CHRM3: variants seen among roughly 807,000 people sequenced by gnomAD.
CHRM3 encodes the protein muscarinic acetylcholine receptor M3.
A neutral mutation model predicts 41.8 loss-of-function variants in CHRM3; 11 were observed. The observed-to-expected ratio is 0.26, with a 90% CI of 0.17 to 0.44. The LOEUF (loss-of-function observed/expected upper bound fraction) is 0.44, where lower values mean the gene tolerates loss of function less well. Ranked by LOEUF, CHRM3 falls within the 20% of genes least tolerant of loss-of-function variation. CHRM3 has a pLI of 1.00. For missense variants in CHRM3, 571 were observed against 745.4 expected (o/e 0.77, Z 2.72); for synonymous variants, 297 against 301.4 (o/e 0.99, Z 0.15).
At chr1:239,751,573 T>G (rs1263318849) in intron 5 of CHRM3, among the ~76,000 whole-genome samples, 1 of 152,190 alleles carries the variant, frequency 6.6e-6, no homozygotes, top group Non-Finnish European at 1.5e-5. Flanking sequence ...TTAAGATGCT[T>G]TTACTTATGA....
In CHRM3 at chr1:239,485,732, G is replaced by A. The variant is rs140270180; in HGVS notation, c.-520-6977G>A. The stretch of plus-strand genomic sequence containing the variant: ...TCTCTAGCTCTGTATTTGCCACTGC[G>A]TGATGTAAATTTTCAGTGAGCCCTT... On this transcript the variant is annotated intron_variant, in intron 1 of 6. Coordinates refer to ENST00000676153, the MANE Select transcript of CHRM3 (RefSeq NM_001375978.1). Among the ~76,000 whole-genome samples, 684 of 152,194 alleles carry A rather than the reference G, an allele frequency of 4.5e-3. 1 individual carries two copies. The highest frequency in any genetic ancestry group is 7.0e-3 in the Non-Finnish European group (475 of 68,012).
chr1:239,910,691 T>C lies in CHRM3; in HGVS notation c.*1467T>C, dbSNP rs1680314570. 1 of 164,352 alleles carries C rather than the reference T, an allele frequency of 6.1e-6. No homozygotes were observed. The highest frequency in any genetic ancestry group is 6.6e-5 in the Admixed American group (1 of 15,064). 10.2% of individuals were successfully genotyped at this position (164,352 alleles called of 1,614,324 possible). On this transcript the variant is annotated 3_prime_UTR_variant, in exon 7 of 7. Coordinates refer to ENST00000676153, the MANE Select transcript of CHRM3 (RefSeq NM_001375978.1). ...CTGCCATCATTGTCGTTGTTGTTGC[T>C]GCTGTAGCTGTTGGGGTTTCTTTTC...
chr1:239,905,888 C>T (rs1472463845), intron 6 of CHRM3, among the ~76,000 whole-genome samples: 2 of 152,120 alleles, frequency 1.3e-5, no homozygotes, highest in Admixed American at 6.5e-5. Context: ...ATCACAGATA[C>T]TCATATAGCA....
intron 1 of CHRM3, among the ~76,000 whole-genome samples, chr1:239,453,473 T>G (rs1664707885): frequency 6.6e-6 from 1 of 152,218 alleles, no homozygotes; most frequent in Non-Finnish European, 1.5e-5. Flanking sequence ...AAAACATCTA[T>G]GCTGTCATTT....
intron 4 of CHRM3, among the ~76,000 whole-genome samples, chr1:239,665,236 T>C (rs1200395772): frequency 2.0e-5 from 3 of 151,970 alleles, no homozygotes; most frequent in South Asian, 2.1e-4. Context: ...CAAAAAGACG[T>C]TGAGCGCCTG....
At chr1:239,496,729 T>G (rs1460524280) in intron 2 of CHRM3, among the ~76,000 whole-genome samples, 1 of 152,108 alleles carries the variant, frequency 6.6e-6, no homozygotes. Flanking sequence ...GTATACAGTC[T>G]GAAGGTTTTT....
intron 1 of CHRM3, among the ~76,000 whole-genome samples, chr1:239,472,951 C>A (rs1047271784): frequency 1.3e-5 from 2 of 151,590 alleles, no homozygotes; most frequent in Non-Finnish European, 2.9e-5. Flanking sequence ...TACAGTAAAC[C>A]AATGAAATAA....
chr1:239,491,729 G>T (rs560915810), intron 1 of CHRM3, among the ~76,000 whole-genome samples: 1 of 152,242 alleles, frequency 6.6e-6, no homozygotes, highest in South Asian at 2.1e-4. Context: ...TCATATGGTA[G>T]TTCTATTTTT....
intron 5 of CHRM3, among the ~76,000 whole-genome samples, chr1:239,797,280 A>T (rs530427735): frequency 9.8e-5 from 15 of 152,314 alleles, no homozygotes; most frequent in Non-Finnish European, 2.1e-4. Flanking sequence ...TGAGTTCCAT[A>T]GAAGCCCAAA....
chr1:239,642,788 G>A (rs1671323217), intron 4 of CHRM3, among the ~76,000 whole-genome samples: 1 of 152,178 alleles, frequency 6.6e-6, no homozygotes, highest in African/African-American at 2.4e-5. Flanking sequence ...TCTCCATCCA[G>A]CTTTGTTCCA....
chr1:239,522,050 A>G (rs1163967105), intron 2 of CHRM3, among the ~76,000 whole-genome samples: 2 of 140,508 alleles, frequency 1.4e-5, no homozygotes, highest in African/African-American at 5.2e-5. Flanking sequence ...CTTTTTTGCC[A>G]TAGTGCTCTT....
In CHRM3 at chr1:239,747,663, C is replaced by T. The variant is rs578003448; in HGVS notation, c.-147+69375C>T. 5.9e-5 allele frequency among the ~76,000 whole-genome samples: 9 copies of T among 152,284 alleles called. No homozygotes were observed. In the East Asian group the frequency reaches 1.5e-3, roughly 26 times the overall value. On this transcript the variant is annotated intron_variant, in intron 5 of 6. Transcript: ENST00000676153. ...TTGCTTTGAGAATGTGTGGCTTGCT[C>T]TGCATTTTGAAAGTATTAGTAACAT...
intron 2 of CHRM3, among the ~76,000 whole-genome samples, chr1:239,507,967 C>T (rs754817736): frequency 9.9e-5 from 15 of 152,148 alleles, no homozygotes; most frequent in Non-Finnish European, 2.2e-4. Context: ...GAATACAAGG[C>T]AGAATTCAGT....
intron 5 of CHRM3, among the ~76,000 whole-genome samples, chr1:239,737,373 C>A (rs1405294982): frequency 6.6e-6 from 1 of 152,154 alleles, no homozygotes; most frequent in Admixed American, 6.6e-5. Context: ...ACCACTAAAT[C>A]TATCCTCAGT....
intron 4 of CHRM3, among the ~76,000 whole-genome samples, chr1:239,639,000 G>A (rs1406618209): frequency 6.6e-6 from 1 of 151,960 alleles, no homozygotes; most frequent in African/African-American, 2.4e-5. Flanking sequence ...AGTTTTCCCA[G>A]CACCATTTAT....
intron 1 of CHRM3, among the ~76,000 whole-genome samples, chr1:239,442,346 A>G (rs1254104557): frequency 6.6e-6 from 1 of 152,158 alleles, no homozygotes; most frequent in South Asian, 2.1e-4. Context: ...AGCTCAGGCA[A>G]TCCACCCGTC....
chr1:239,909,342 T>A lies in CHRM3; in HGVS notation c.*118T>A. On this transcript the variant is annotated 3_prime_UTR_variant, in exon 7 of 7. Transcript: ENST00000676153. ...GATAAAAATGGTTTTATCACCCAGATGTGAAAGAAGCTGCCTGTTTACTGA... is the reference window on the plus strand; with the variant it reads ...GATAAAAATGGTTTTATCACCCAGAAGTGAAAGAAGCTGCCTGTTTACTGA... 9.6e-7 allele frequency: 1 copy of A among 1,038,366 alleles called. No individual in the cohort carries two copies. The highest frequency in any genetic ancestry group is 1.4e-6 in the Non-Finnish European group (1 of 724,382). The allele number at this position is 1,038,366 out of a possible 1,614,324, so 64.3% of individuals were successfully genotyped here. A position where few individuals can be genotyped will look rare whatever the true frequency, so the allele number is the denominator to read the frequency against.
At chr1:239,866,631 T>C (rs1676133992) in intron 6 of CHRM3, among the ~76,000 whole-genome samples, 1 of 152,182 alleles carries the variant, frequency 6.6e-6, no homozygotes, top group Non-Finnish European at 1.5e-5. Context: ...CATCTTTATA[T>C]TGGTTGTTAT....
At chr1:239,564,087 G>A (rs1423184173) in intron 3 of CHRM3, among the ~76,000 whole-genome samples, 1 of 152,146 alleles carries the variant, frequency 6.6e-6, no homozygotes, top group Admixed American at 6.5e-5. Context: ...TTACTTAGAA[G>A]TTTTGGTAGA....
Sources: allele counts gnomAD v4.1 joint callset (sites outside exome capture counted in the v4.1 genomes callset), GRCh38; gene constraint gnomAD v4.1.1; transcripts MANE v1.5; gene names NCBI Gene and HGNC (gene_info 2026-07-23, HGNC 2026-07-21).